ROBO2: variants seen among roughly 807,000 people sequenced by gnomAD.
ROBO2 encodes roundabout homolog 2.
Under a neutral mutation model 160.8 loss-of-function variants are expected in ROBO2, and 53 were observed. The ratio of observed to expected loss-of-function variants is 0.33; its 90% CI spans 0.26 to 0.41. The LOEUF (loss-of-function observed/expected upper bound fraction) is 0.41. ROBO2 is among the 10% of genes least tolerant of loss of function. ROBO2 has a pLI of 1.00. For synonymous variants in ROBO2, 664 were observed against 611.7 expected (o/e 1.09, Z -1.26); for missense variants, 1,577 against 1,722.4 (o/e 0.92, Z 1.49).
chr3:77,646,110 T>C, exon 26 of ROBO2: 5 of 1,414,782 alleles, frequency 3.5e-6, no homozygotes, highest in South Asian at 2.4e-5. Flanking sequence ...TCCGGACTCA[T>C]GGAAGTGATG....
chr3:76,344,473 A>G (rs2074407012), intron 2 of ROBO2, among the ~76,000 whole-genome samples: 2 of 152,150 alleles, frequency 1.3e-5, no homozygotes, highest in Non-Finnish European at 2.9e-5. Context: ...GATCAAGGGA[A>G]TGTTCTTTAA....
At chr3:76,147,091 C>T (rs1305188082) in intron 2 of ROBO2, among the ~76,000 whole-genome samples, 2 of 150,764 alleles carry the variant, frequency 1.3e-5, no homozygotes, top group South Asian at 4.2e-4. Context: ...TAATAACAAA[C>T]CTGCACATGT....
intron 2 of ROBO2, among the ~76,000 whole-genome samples, chr3:76,962,331 T>TA (rs1400451360): frequency 1.3e-5 from 2 of 150,860 alleles, no homozygotes; most frequent in African/African-American, 2.4e-5. Context: ...GAGATTCCAT[T>TA]AAAAAAACAA....
chr3:76,675,030 A>C (rs955971618), intron 2 of ROBO2, among the ~76,000 whole-genome samples: 1 of 152,324 alleles, frequency 6.6e-6, no homozygotes, highest in African/African-American at 2.4e-5. Context: ...AATTGTGTTT[A>C]ATTTATGGAG....
intron 2 of ROBO2, among the ~76,000 whole-genome samples, chr3:76,927,539 G>C (rs1280320889): frequency 6.6e-6 from 1 of 152,068 alleles, no homozygotes; most frequent in Non-Finnish European, 1.5e-5. Context: ...TATTTTTTAA[G>C]GTTCTTGCAA....
At chr3:76,156,744 G>A (rs1472120890) in intron 2 of ROBO2, among the ~76,000 whole-genome samples, 1 of 152,184 alleles carries the variant, frequency 6.6e-6, no homozygotes, top group Admixed American at 6.5e-5. Flanking sequence ...AAGGTGGGCG[G>A]ATCACCTGAA....
Position 77,410,297 on chromosome 3 carries a change from G to A in ROBO2, c.389-67117G>A, listed in dbSNP as rs374447004. Among the ~76,000 whole-genome samples the A allele has an allele frequency of 5.3e-5, 8 of 151,978 alleles. No individual in the cohort carries two copies. The East Asian group carries it at 5.8e-4, about 11-fold the overall frequency. On this transcript the variant is annotated intron_variant, in intron 2 of 25. Transcript: ENST00000461745. ...AATGACCTCCCATTAATGTAAGCCTGTCATTTATAAAAATATTATTATTAT... is the reference window on the plus strand; with the variant it reads ...AATGACCTCCCATTAATGTAAGCCTATCATTTATAAAAATATTATTATTAT...
intron 1 of ROBO2, among the ~76,000 whole-genome samples, chr3:77,096,780 C>T (rs976038243): frequency 6.6e-6 from 1 of 152,102 alleles, no homozygotes; most frequent in African/African-American, 2.4e-5. Context: ...CCCTTATGGC[C>T]CCACTTTTAT....
chr3:77,589,634 G>C (rs2094134876), intron 17 of ROBO2, among the ~76,000 whole-genome samples: 1 of 151,950 alleles, frequency 6.6e-6, no homozygotes. Context: ...GAGTTTCAAG[G>C]GTGTCCTATA....
chr3:77,234,814 G>T (rs573803217), intron 2 of ROBO2, among the ~76,000 whole-genome samples: 1 of 152,234 alleles, frequency 6.6e-6, no homozygotes, highest in Admixed American at 6.5e-5. Context: ...TCTGTTTAGA[G>T]CTTATCTTCT....
At chr3:77,437,488 G>T (rs946092160) in intron 2 of ROBO2, among the ~76,000 whole-genome samples, 2 of 151,818 alleles carry the variant, frequency 1.3e-5, no homozygotes, top group Non-Finnish European at 2.9e-5. Flanking sequence ...ATAATACATA[G>T]TATTAATTAA....
intron 2 of ROBO2, among the ~76,000 whole-genome samples, chr3:77,239,828 C>A (rs2088701134): frequency 6.6e-6 from 1 of 152,168 alleles, no homozygotes; most frequent in Non-Finnish European, 1.5e-5. Flanking sequence ...ACACAGAGTG[C>A]TGATTGGTGC....
chr3:75,955,399 C>A (rs527994593), intron 2 of ROBO2, among the ~76,000 whole-genome samples: 1 of 151,390 alleles, frequency 6.6e-6, no homozygotes, highest in Non-Finnish European at 1.5e-5. Context: ...AGTTTAATGT[C>A]GATATAACTT....
chr3:77,395,210 G>A (rs1406398903), intron 2 of ROBO2, among the ~76,000 whole-genome samples: 1 of 152,094 alleles, frequency 6.6e-6, no homozygotes, highest in Non-Finnish European at 1.5e-5. Context: ...CAAACACTGT[G>A]TTCAAGCATT....
intron 13 of ROBO2, among the ~76,000 whole-genome samples, chr3:77,569,337 A>G (rs1233571631): frequency 6.6e-6 from 1 of 151,930 alleles, no homozygotes; most frequent in East Asian, 1.9e-4. Context: ...GCCAACACTT[A>G]TTATCATCTG....
chr3:77,315,020 T>C (rs981228380), intron 2 of ROBO2, among the ~76,000 whole-genome samples: 1 of 152,114 alleles, frequency 6.6e-6, no homozygotes, highest in African/African-American at 2.4e-5. Context: ...TTCTGAATAA[T>C]AATAAAAATG....
intron 2 of ROBO2, among the ~76,000 whole-genome samples, chr3:77,230,244 G>A (rs1015485949): frequency 1.3e-5 from 2 of 151,854 alleles, no homozygotes; most frequent in Admixed American, 6.6e-5. Flanking sequence ...TGCACCACCT[G>A]GCTAATTTTG....
At chr3:76,309,156 G>C (rs1414807628) in intron 2 of ROBO2, among the ~76,000 whole-genome samples, 1 of 152,164 alleles carries the variant, frequency 6.6e-6, no homozygotes, top group Admixed American at 6.5e-5. Flanking sequence ...TCAGAAGTTG[G>C]TGGTGAGGGA....
intron 3 of ROBO2, among the ~76,000 whole-genome samples, chr3:77,480,532 C>T (rs1223455993): frequency 6.6e-6 from 1 of 151,992 alleles, no homozygotes; most frequent in Admixed American, 6.6e-5. Context: ...ATCCAACCTG[C>T]CATTTTCTCC....
Sources: gnomAD v4.1 joint callset for allele counts (sites outside exome capture counted in the v4.1 genomes callset) on GRCh38, gnomAD v4.1.1 for gene constraint, MANE v1.5 for transcripts, NCBI Gene and HGNC (gene_info 2026-07-23, HGNC 2026-07-21) for gene names.